CSMD1: variants seen among roughly 807,000 people sequenced by gnomAD.
CSMD1 encodes CUB and sushi domain-containing protein 1.
A neutral mutation model predicts 417.5 loss-of-function variants in CSMD1; 213 were observed. The observed-to-expected ratio is 0.51, with a 90% confidence interval of 0.46 to 0.57. The LOEUF is 0.57. Ranked by LOEUF, CSMD1 falls within the 20% of genes least tolerant of loss-of-function variation. The pLI is 0.00. For missense variants in CSMD1, 6,923 were observed against 4,529.7 expected, an observed-to-expected ratio of 1.53 and a Z score of -15.17; for synonymous variants, 2,862 against 1,736.8, an observed-to-expected ratio of 1.65 and a Z score of -16.11.
chr8:4,008,208 G>C (rs1816277529), intron 4 of CSMD1, among the ~76,000 whole-genome samples: 1 of 152,036 alleles, frequency 6.6e-6, no homozygotes, highest in African/African-American at 2.4e-5. Context: ...GGAAAAATTA[G>C]TTCAAGTTCC....
chr8:4,316,052 T>G (rs1448745109), intron 3 of CSMD1, among the ~76,000 whole-genome samples: 2 of 152,160 alleles, frequency 1.3e-5, no homozygotes, highest in Non-Finnish European at 2.9e-5. Flanking sequence ...CACTGAGAAA[T>G]ATATGAATCC....
intron 3 of CSMD1, among the ~76,000 whole-genome samples, chr8:4,121,412 T>A (rs1013513716): frequency 3.3e-5 from 5 of 152,130 alleles, no homozygotes; most frequent in African/African-American, 4.8e-5. Flanking sequence ...TCAATGTATT[T>A]TTCATTACAG....
chr8:4,563,844 G>T lies in CSMD1; in HGVS notation c.302+73498C>A, dbSNP rs1026793142. Among the ~76,000 whole-genome samples the T allele has an allele frequency of 2.6e-5, 4 of 152,240 alleles. No individual in the cohort carries two copies. In the East Asian group the frequency reaches 7.7e-4, roughly 29 times the overall value. On this transcript the variant is annotated intron_variant, in intron 2 of 69. Coordinates refer to ENST00000635120, the MANE Select transcript of CSMD1 (RefSeq NM_033225.6). The stretch of plus-strand genomic sequence containing the variant: ...TGTTCCTAAGTATAAGAATATCTAG[G>T]ATATCTGCTGAGAAGACTTGGAGTT...
intron 67 of CSMD1, among the ~76,000 whole-genome samples, chr8:2,949,846 A>G (rs574839328): frequency 1.1e-3 from 170 of 152,266 alleles, no homozygotes; most frequent in Non-Finnish European, 2.1e-3. Flanking sequence ...GGGATGTCTT[A>G]AATCTTTCTA....
intron 50 of CSMD1, among the ~76,000 whole-genome samples, chr8:3,050,452 G>C (rs1811746580): frequency 6.6e-6 from 1 of 152,124 alleles, no homozygotes; most frequent in African/African-American, 2.4e-5. Context: ...GTGTGCAAAA[G>C]AAACATTGTC....
intron 3 of CSMD1, among the ~76,000 whole-genome samples, chr8:4,244,957 TTAAAA>T (rs1802616046): frequency 6.6e-6 from 1 of 152,080 alleles, no homozygotes; most frequent in African/African-American, 2.4e-5. Context: ...CAAATAAACT[TTAAAA>T]TAACCAAAAG....
At chr8:3,912,799 G>C (rs1424668606) in intron 5 of CSMD1, among the ~76,000 whole-genome samples, 1 of 152,198 alleles carries the variant, frequency 6.6e-6, no homozygotes, top group Non-Finnish European at 1.5e-5. Flanking sequence ...ATGCTAGCTA[G>C]AGTAAACATG....
intron 50 of CSMD1, among the ~76,000 whole-genome samples, chr8:3,045,907 C>T (rs1811402190): frequency 6.6e-6 from 1 of 152,202 alleles, no homozygotes; most frequent in Middle Eastern, 3.4e-3. Context: ...CTATTGGAAG[C>T]AAGAGTGGAA....
At chr8:4,576,511 C>A (rs1405588001) in intron 2 of CSMD1, among the ~76,000 whole-genome samples, 1 of 152,194 alleles carries the variant, frequency 6.6e-6, no homozygotes, top group African/African-American at 2.4e-5. Context: ...AAGTAACTCT[C>A]TCCTACTATA....
chr8:4,089,445 T>C (rs1301599814), intron 3 of CSMD1, among the ~76,000 whole-genome samples: 3 of 152,158 alleles, frequency 2.0e-5, no homozygotes, highest in African/African-American at 7.2e-5. Context: ...TTTTCACTCA[T>C]TTTTGTGTCC....
At chr8:3,899,713 T>C (rs1385835238) in intron 5 of CSMD1, among the ~76,000 whole-genome samples, 1 of 152,294 alleles carries the variant, frequency 6.6e-6, no homozygotes, top group Non-Finnish European at 1.5e-5. Context: ...TGAGCAACTG[T>C]CCTGGTAGGC....
At chr8:3,265,128 T>C (rs1000223154) in intron 26 of CSMD1, among the ~76,000 whole-genome samples, 1 of 152,160 alleles carries the variant, frequency 6.6e-6, no homozygotes, top group African/African-American at 2.4e-5. Context: ...TTGTCACTAT[T>C]AGAGCAGAGA....
rs527796206 is a variant in CSMD1 at position 4,250,713 on chromosome 8, C to T, written c.415+169240G>A. ...ATATTGCCTTTTCAGAAGTCCCTTC[C>T]TTGAGCAAATCTAAAGAAAGTTTGC... On this transcript the variant is annotated intron_variant, in intron 3 of 69. Transcript: ENST00000635120. Among the ~76,000 whole-genome samples the T allele has an allele frequency of 3.3e-5, 5 of 152,188 alleles. No homozygotes were observed. In the South Asian group the frequency reaches 1.0e-3, roughly 32 times the overall value.
chr8:3,009,214 G>A (rs672725), intron 52 of CSMD1, among the ~76,000 whole-genome samples: 9 of 152,102 alleles, frequency 5.9e-5, no homozygotes, highest in African/African-American at 1.9e-4. Flanking sequence ...TGAAGCTCAC[G>A]TCTTCAGTGT....
At chr8:3,349,792 T>C (rs118005821) in intron 21 of CSMD1, among the ~76,000 whole-genome samples, 32,937 of 125,626 alleles carry the variant, frequency 0.26, 3,948 homozygotes, top group Middle Eastern at 0.34. Context: ...AATATAAATA[T>C]ATCTATAAAT....
chr8:3,618,109 C>G (rs924309118), intron 7 of CSMD1, among the ~76,000 whole-genome samples: 4 of 152,072 alleles, frequency 2.6e-5, no homozygotes, highest in African/African-American at 9.7e-5. Flanking sequence ...TCAAGCGATA[C>G]TCCCGTCTCA....
chr8:4,035,429 G>C (rs970365684), intron 3 of CSMD1, among the ~76,000 whole-genome samples: 3 of 152,098 alleles, frequency 2.0e-5, no homozygotes, highest in African/African-American at 7.2e-5. Flanking sequence ...AACAACCTTA[G>C]TCAGGTCCTT....
At chr8:4,409,573 G>A (rs902689999) in intron 3 of CSMD1, among the ~76,000 whole-genome samples, 10 of 151,730 alleles carry the variant, frequency 6.6e-5, no homozygotes, top group African/African-American at 2.4e-4. Flanking sequence ...CAACACTTCA[G>A]CAGGGATGAA....
chr8:4,643,270 T>C (rs1481235048), intron 1 of CSMD1, among the ~76,000 whole-genome samples: 2 of 152,252 alleles, frequency 1.3e-5, no homozygotes, highest in African/African-American at 4.8e-5. Context: ...TCAGGGGCAG[T>C]GTCGATCCTT....
Sources: allele counts gnomAD v4.1 joint callset (sites outside exome capture counted in the v4.1 genomes callset), GRCh38; gene constraint gnomAD v4.1.1; transcripts MANE v1.5; gene names NCBI Gene and HGNC (gene_info 2026-07-23, HGNC 2026-07-21).